The following ADAMTS17 variants were observed in gnomAD, a reference collection of about 807,000 sequenced individuals.
The protein encoded by ADAMTS17 is A disintegrin and metalloproteinase with thrombospondin motifs 17.
A neutral mutation model predicts 141.5 loss-of-function variants in ADAMTS17; 113 were observed. The observed-to-expected ratio is 0.80, with a 90% CI of 0.69 to 0.93. ADAMTS17 has a LOEUF of 0.93. ADAMTS17 is among the 40% of genes least tolerant of loss of function. ADAMTS17 has a pLI of 0.00. For missense variants in ADAMTS17, 1,659 were observed against 1,517.9 expected, an observed-to-expected ratio of 1.09 and a Z score of -1.54; for synonymous variants, 768 against 630.6, an observed-to-expected ratio of 1.22 and a Z score of -3.27.
At chr15:100,051,786 A>G in intron 16 of ADAMTS17, 55 bp from the exon 17 acceptor site, 1 of 1,610,108 alleles carries the variant, frequency 6.2e-7, no homozygotes, top group East Asian at 2.2e-5. Context: ...GGCCCGTGGG[A>G]ATGCCGAATC....
Position 100,116,862 on chromosome 15 carries a change from C to A in ADAMTS17, c.1873G>T (p.Ala625Ser), listed in dbSNP as rs756053197. ...ATGCCTTTACCGTCAACCACCACGG[C>A]TGTCAGCAGGCCTTTCTTCTTGGGG... ...LSPKKKGLLT[A>S]VVVDDKPCEL... The change falls in exon 13 of 22, where the codon GCC becomes TCC. Residue 625 changes from alanine to serine, a missense_variant. Physicochemically the swap from Ala to Ser is moderately conservative, Grantham distance 99. Coordinates refer to ENST00000268070, the MANE Select transcript of ADAMTS17 (RefSeq NM_139057.4). 1.2e-5 allele frequency: 19 copies of A among 1,614,052 alleles called. No individual in the cohort carries two copies. In the East Asian group the frequency reaches 1.8e-4, roughly 15 times the overall value.
chr15:100,341,730 G>A (rs759477799), intron 1 of ADAMTS17, 91 bp downstream of exon 1: 7 of 1,453,266 alleles, frequency 4.8e-6, no homozygotes, highest in Non-Finnish European at 6.4e-6. Context: ...CGGTCCCGCC[G>A]CCGCCCCCGG....
intron 7 of ADAMTS17, among the ~76,000 whole-genome samples, chr15:100,232,921 C>T (rs551360612): frequency 6.6e-6 from 1 of 152,324 alleles, no homozygotes; most frequent in African/African-American, 2.4e-5. Flanking sequence ...CCGTGAATCT[C>T]CAAGGTCCAC....
At chr15:100,040,305 T>C (rs1452997373) in intron 18 of ADAMTS17, among the ~76,000 whole-genome samples, 2 of 152,242 alleles carry the variant, frequency 1.3e-5, no homozygotes, top group Non-Finnish European at 2.9e-5. Flanking sequence ...ATTTCTTCTG[T>C]GGGCTGATGT....
At chr15:100,135,135 T>C (rs1596525671) in intron 10 of ADAMTS17, among the ~76,000 whole-genome samples, 1 of 152,138 alleles carries the variant, frequency 6.6e-6, no homozygotes, top group South Asian at 2.1e-4. Flanking sequence ...CTGTTCGTTA[T>C]GGATTTTATA....
rs2033952170 is a variant in ADAMTS17, at chr15:100,071,282, GA to G, written c.2138-17229del. Among the ~76,000 whole-genome samples the G allele has an allele frequency of 5.3e-5, 8 of 150,074 alleles. No individual in the cohort carries two copies. In the South Asian group the frequency reaches 1.5e-3, roughly 28 times the overall value. The stretch of plus-strand genomic sequence containing the variant: ...ATCAACCAAAAAAAGTCCAGGACCA[GA>G]TGGATTCACAGCCGAATTCTACCAG... On this transcript the variant is annotated intron_variant, in intron 15 of 21. Transcript: ENST00000268070.
At chr15:100,084,379 G>A (rs1414983583) in intron 15 of ADAMTS17, among the ~76,000 whole-genome samples, 2 of 152,230 alleles carry the variant, frequency 1.3e-5, no homozygotes, top group African/African-American at 2.4e-5. Flanking sequence ...CACAGCTCAA[G>A]GAGGCTTGCC....
chr15:99,990,390 A>AG (rs1474774690), intron 20 of ADAMTS17, among the ~76,000 whole-genome samples: 12 of 152,166 alleles, frequency 7.9e-5, no homozygotes, highest in Non-Finnish European at 1.8e-4. Flanking sequence ...TGCCAGTGAA[A>AG]GATACATCCT....
intron 3 of ADAMTS17, among the ~76,000 whole-genome samples, chr15:100,313,185 T>C (rs914433065): frequency 1.3e-5 from 2 of 152,174 alleles, no homozygotes; most frequent in African/African-American, 2.4e-5. Flanking sequence ...GGAGCTATAA[T>C]ACTAATATCT....
intron 12 of ADAMTS17, among the ~76,000 whole-genome samples, chr15:100,122,648 A>T: frequency 6.6e-6 from 1 of 152,230 alleles, no homozygotes; most frequent in African/African-American, 2.4e-5. Flanking sequence ...CACATAATTA[A>T]CATGTTTTGT....
At chr15:100,274,309 C>G (rs1005207806) in intron 4 of ADAMTS17, among the ~76,000 whole-genome samples, 15 of 152,184 alleles carry the variant, frequency 9.9e-5, no homozygotes, top group Non-Finnish European at 1.8e-4. Flanking sequence ...GTGTATTTCT[C>G]TCAGTTCTAT....
intron 5 of ADAMTS17, among the ~76,000 whole-genome samples, chr15:100,261,950 G>T (rs1368617262): frequency 1.3e-5 from 2 of 152,182 alleles, no homozygotes; most frequent in Non-Finnish European, 2.9e-5. Context: ...GACCCGGCAG[G>T]TAACATCAGC....
intron 18 of ADAMTS17, among the ~76,000 whole-genome samples, chr15:100,047,660 C>T (rs1057223686): frequency 6.6e-6 from 1 of 152,110 alleles, no homozygotes; most frequent in Admixed American, 6.5e-5. Context: ...CTCATGCTGA[C>T]CTCTCCTCCT....
chr15:99,974,982 G>C (rs1707401701), intron 21 of ADAMTS17, among the ~76,000 whole-genome samples: 1 of 152,210 alleles, frequency 6.6e-6, no homozygotes, highest in African/African-American at 2.4e-5. Flanking sequence ...ATATCCTTCA[G>C]GGTCTTGATT....
chr15:100,052,220 C>T (rs931318816), intron 16 of ADAMTS17, among the ~76,000 whole-genome samples: 2 of 128,928 alleles, frequency 1.6e-5, no homozygotes, highest in African/African-American at 3.7e-5. Flanking sequence ...TCAATCACTG[C>T]TGTGTCAGTT....
chr15:100,129,314 C>G (rs35897334), intron 12 of ADAMTS17: 27,762 of 152,250 alleles, frequency 0.18, 2,705 homozygotes, highest in African/African-American at 0.25. Flanking sequence ...CAACTGGTAC[C>G]ATCCTCGTTC....
intron 12 of ADAMTS17, among the ~76,000 whole-genome samples, chr15:100,130,648 G>T (rs1414152050): frequency 6.6e-6 from 1 of 152,122 alleles, no homozygotes; most frequent in African/African-American, 2.4e-5. Context: ...TCAGTCTGGG[G>T]TATGACCTGG....
chr15:100,077,552 T>G (rs533011926), intron 15 of ADAMTS17, among the ~76,000 whole-genome samples: 2 of 152,072 alleles, frequency 1.3e-5, no homozygotes, highest in Admixed American at 6.6e-5. Flanking sequence ...GGAAAAGCAT[T>G]TGACAAATTT....
At chr15:100,038,443 A>G (rs1048423088) in intron 18 of ADAMTS17, among the ~76,000 whole-genome samples, 3 of 152,374 alleles carry the variant, frequency 2.0e-5, no homozygotes, top group Non-Finnish European at 2.9e-5. Flanking sequence ...CTAAATCTAT[A>G]GATCAATTTG....
Sources: gnomAD v4.1 joint callset for allele counts (sites outside exome capture counted in the v4.1 genomes callset) on GRCh38, gnomAD v4.1.1 for gene constraint, MANE v1.5 for transcripts, NCBI Gene and HGNC (gene_info 2026-07-23, HGNC 2026-07-21) for gene names.